ARHGAP29: variants seen among roughly 807,000 people sequenced by gnomAD.
The protein encoded by ARHGAP29 is Rho GTPase activating protein 29.
ARHGAP29 carries 43 observed loss-of-function variants against 122.6 expected under a neutral mutation model. The observed-to-expected ratio is 0.35, with a 90% CI of 0.27 to 0.45. The LOEUF (loss-of-function observed/expected upper bound fraction) is 0.45, where lower values mean the gene tolerates loss of function less well. Ranked by LOEUF, ARHGAP29 falls within the 20% of genes least tolerant of loss-of-function variation. The pLI is 1.00. For synonymous variants in ARHGAP29, 506 were observed against 497.1 expected (o/e 1.02, Z -0.24); for missense variants, 1,303 against 1,477.2 (o/e 0.88, Z 1.93).
At chr1:94,311,422 A>AC in the ARHGAP29 span, among the ~76,000 whole-genome samples, 275 of 152,074 alleles carry the variant, frequency 1.8e-3, no homozygotes, top group African/African-American at 6.3e-3. Context: ...CCCTGGAGAG[A>AC]ACGTGCCCTC....
chr1:94,314,222 T>C, the ARHGAP29 span, among the ~76,000 whole-genome samples: 1 of 152,312 alleles, frequency 6.6e-6, no homozygotes, highest in African/African-American at 2.4e-5. Flanking sequence ...TACAACAGTA[T>C]CATTTAAAAC....
intron 12 of ARHGAP29, 155 bp from the exon 13 acceptor site, chr1:94,190,238 C>T: frequency 1.4e-6 from 1 of 722,076 alleles, no homozygotes; most frequent in Middle Eastern, 2.8e-4. Flanking sequence ...CCTGATTTTG[C>T]ATAAGTCTAG....
At chr1:94,313,912 G>T in the ARHGAP29 span, among the ~76,000 whole-genome samples, 2 of 152,184 alleles carry the variant, frequency 1.3e-5, no homozygotes, top group Non-Finnish European at 2.9e-5. Flanking sequence ...ACTCATAGGT[G>T]GGACTTGAAC....
rs199828867 is a variant in ARHGAP29, at chr1:94,237,571, G to C, written c.-189C>G. ...GCCGCAGCCGCAGCCACAGCCACAG[G>C]CACCACCACCACTGCAGCCGCCACC... is the stretch of plus-strand genomic sequence containing the variant. On this transcript the variant is annotated 5_prime_UTR_variant, in exon 1 of 23. Coordinates refer to ENST00000260526, the MANE Select transcript of ARHGAP29 (RefSeq NM_004815.4). 277 of 991,612 alleles carry C rather than the reference G, an allele frequency of 2.8e-4. 5 individuals carry two copies. The East Asian group carries it at 0.024, about 86-fold the overall frequency. 61.4% of individuals were successfully genotyped at this position (991,612 alleles called of 1,614,324 possible).
the ARHGAP29 span, among the ~76,000 whole-genome samples, chr1:94,291,830 C>G: frequency 1.3e-5 from 2 of 152,234 alleles, no homozygotes; most frequent in Non-Finnish European, 2.9e-5. Flanking sequence ...CACTGTTAGT[C>G]TGATGGGCTT....
intron 1 of ARHGAP29, among the ~76,000 whole-genome samples, chr1:94,268,464 T>G (rs959486038): frequency 6.6e-6 from 1 of 152,166 alleles, no homozygotes; most frequent in African/African-American, 2.4e-5. Context: ...ATTTTTTTTC[T>G]ACAGCACTTA....
upstream of ARHGAP29, among the ~76,000 whole-genome samples, chr1:94,277,692 CCT>C (rs1251170402): frequency 8.5e-5 from 13 of 152,144 alleles, no homozygotes. Flanking sequence ...TTTTAATTTT[CCT>C]CTTTCCTTTT....
chr1:94,281,906 T>C, the ARHGAP29 span, among the ~76,000 whole-genome samples: 1 of 152,158 alleles, frequency 6.6e-6, no homozygotes, highest in South Asian at 2.1e-4. Context: ...CTGAGACTCC[T>C]GCATGGGACA....
chr1:94,287,527 A>C, the ARHGAP29 span, among the ~76,000 whole-genome samples: 1 of 151,894 alleles, frequency 6.6e-6, no homozygotes, highest in Admixed American at 6.6e-5. Context: ...ATTATACTTT[A>C]AGTTCTAGGA....
At chr1:94,218,094 T>G (rs911992510) in intron 3 of ARHGAP29, among the ~76,000 whole-genome samples, 1 of 152,196 alleles carries the variant, frequency 6.6e-6, no homozygotes, top group South Asian at 2.1e-4. Flanking sequence ...TTAAGTTGAT[T>G]TGACCTCAAT....
At chr1:94,218,571 A>C (rs1652095636) in intron 3 of ARHGAP29, among the ~76,000 whole-genome samples, 1 of 152,196 alleles carries the variant, frequency 6.6e-6, no homozygotes, top group African/African-American at 2.4e-5. Context: ...CAAGCATGGA[A>C]ATTTTACTAT....
the ARHGAP29 span, among the ~76,000 whole-genome samples, chr1:94,280,108 G>C: frequency 1.3e-5 from 2 of 151,642 alleles, no homozygotes; most frequent in Admixed American, 6.6e-5. Context: ...ACTTATAAGT[G>C]TACAATTCAG....
chr1:94,276,033 A>G (rs2100741320), upstream of ARHGAP29, among the ~76,000 whole-genome samples: 1 of 152,004 alleles, frequency 6.6e-6, no homozygotes, highest in Admixed American at 6.5e-5. Flanking sequence ...TGATGCGGGC[A>G]GATTACTTGA....
At chr1:94,268,004 C>G (rs1654838577) in intron 1 of ARHGAP29, among the ~76,000 whole-genome samples, 1 of 152,012 alleles carries the variant, frequency 6.6e-6, no homozygotes, top group African/African-American at 2.4e-5. Context: ...CTTTTTTCCC[C>G]TTTCTGTAGC....
At chr1:94,183,196 TAA>T (rs68092052) in intron 19 of ARHGAP29, among the ~76,000 whole-genome samples, 1 of 114,238 alleles carries the variant, frequency 8.8e-6, no homozygotes, top group African/African-American at 2.8e-5. Context: ...ATATGTCAAT[TAA>T]AAAAAATTTT....
At chr1:94,243,936 G>GA (rs763127540) in intron 1 of ARHGAP29, among the ~76,000 whole-genome samples, 18 of 151,866 alleles carry the variant, frequency 1.2e-4, no homozygotes, top group African/African-American at 1.7e-4. Flanking sequence ...AGATGAAATG[G>GA]AAAAATTCTT....
intron 3 of ARHGAP29, 89 bp downstream of exon 3, chr1:94,220,168 AG>A (rs1652205514): frequency 7.3e-7 from 1 of 1,373,600 alleles, no homozygotes; most frequent in African/African-American, 1.5e-5. Flanking sequence ...ATGCAATGAG[AG>A]GAATTGGCTA....
rs927800292 is a variant in ARHGAP29 at position 94,175,057 on chromosome 1, T to G, written c.2906-308A>C. 7.9e-5 allele frequency among the ~76,000 whole-genome samples: 12 copies of G among 152,320 alleles called. No homozygotes were observed. The South Asian group carries it at 1.7e-3, about 21-fold the overall frequency. On this transcript the variant is annotated intron_variant, in intron 22 of 22. Coordinates refer to ENST00000260526, the MANE Select transcript of ARHGAP29 (RefSeq NM_004815.4). ...ACAAGTACTTTCTGGGTCAAAAGAC[T>G]ATCACAATTTCAATAGGCAGACATT... is the stretch of plus-strand genomic sequence containing the variant.
chr1:94,308,055 C>T, the ARHGAP29 span, among the ~76,000 whole-genome samples: 1 of 152,080 alleles, frequency 6.6e-6, no homozygotes, highest in African/African-American at 2.4e-5. Flanking sequence ...ATGGATTGCA[C>T]GGGGCCTGGC....
Sources: gnomAD v4.1 joint callset for allele counts (sites outside exome capture counted in the v4.1 genomes callset) on GRCh38, gnomAD v4.1.1 for gene constraint, MANE v1.5 for transcripts, NCBI Gene and HGNC (gene_info 2026-07-23, HGNC 2026-07-21) for gene names.